The following MROH1 variants were observed in gnomAD, a reference collection of about 807,000 sequenced individuals.
MROH1 encodes maestro heat like repeat family member 1, also known as maestro heat-like repeat-containing protein family member 1.
In MROH1, 117 loss-of-function variants were observed where a neutral mutation model predicts 116.5. The ratio of observed to expected loss-of-function variants is 1.00; its 90% CI spans 0.86 to 1.17. The LOEUF (loss-of-function observed/expected upper bound fraction) is 1.17, where lower values mean the gene tolerates loss of function less well. Among genes scored for constraint, MROH1 ranks in the 50% most tolerant of loss-of-function variants. The pLI is 0.00. For missense variants in MROH1, 1,873 were observed against 1,338.5 expected, an observed-to-expected ratio of 1.40 and a Z score of -6.23; for synonymous variants, 921 against 583.9, an observed-to-expected ratio of 1.58 and a Z score of -8.32.
At chr8:144,192,246 G>T in intron 9 of MROH1, 63 bp from the exon 10 acceptor site, 1 of 1,405,892 alleles carries the variant, frequency 7.1e-7, no homozygotes, top group South Asian at 1.3e-5. Context: ...GGCTCTGATT[G>T]ACCTTAGTCA....
chr8:144,255,009 C>A (rs936908862), intron 34 of MROH1, 31 bp downstream of exon 34: 3 of 728,260 alleles, frequency 4.1e-6, no homozygotes, highest in Admixed American at 1.9e-5. Context: ...CACCTTGACA[C>A]GCTGTCCCTG....
chr8:144,259,707 T>C (rs1844622253), intron 37 of MROH1, among the ~76,000 whole-genome samples: 1 of 152,244 alleles, frequency 6.6e-6, no homozygotes, highest in Admixed American at 6.5e-5. Flanking sequence ...CCCAAGGCCG[T>C]GCAGCAGAGC....
At chr8:144,235,580 C>T (rs1399295737) in intron 14 of MROH1, among the ~76,000 whole-genome samples, 1 of 152,288 alleles carries the variant, frequency 6.6e-6, no homozygotes, top group East Asian at 1.9e-4. Context: ...GTGCTGTTTA[C>T]TGTGTCTAAG....
chr8:144,151,644 C>T (rs1260294695), intron 1 of MROH1, among the ~76,000 whole-genome samples: 1 of 152,244 alleles, frequency 6.6e-6, no homozygotes, highest in African/African-American at 2.4e-5. Context: ...GCCCTCTGTC[C>T]TTGCGACAAG....
At chr8:144,190,756 A>C (rs1411114372) in intron 7 of MROH1, 28 bp from the exon 8 acceptor site, 1 of 1,605,954 alleles carries the variant, frequency 6.2e-7, no homozygotes, top group Non-Finnish European at 8.5e-7. Flanking sequence ...CATGGCCTGC[A>C]GCCACTTACC....
At chr8:144,210,208 A>G (rs1463621330) in intron 12 of MROH1, among the ~76,000 whole-genome samples, 4 of 147,306 alleles carry the variant, frequency 2.7e-5, no homozygotes, top group African/African-American at 7.6e-5. Flanking sequence ...GGAGCCTGAG[A>G]GGGGCGGATC....
At chr8:144,158,075 C>G (rs1818615473) in intron 1 of MROH1, among the ~76,000 whole-genome samples, 1 of 146,246 alleles carries the variant, frequency 6.8e-6, no homozygotes, top group Admixed American at 7.0e-5. Flanking sequence ...TCACTGCAAA[C>G]TCCGCCCCCT....
At position 144,186,120 on chromosome 8, in the gene MROH1, AT is replaced by A. The variant is rs35879853; in HGVS notation, c.563-4647del. ...AATGAAGCAAAAAGGACAGTTTCCA[AT>A]TTTTTTTTTTTTTTTTGGAGACAGG... On this transcript the variant is annotated intron_variant, in intron 7 of 43. Coordinates refer to ENST00000326134, the MANE Select transcript of MROH1 (RefSeq NM_032450.3). 1.6e-3 allele frequency among the ~76,000 whole-genome samples: 224 copies of A among 137,152 alleles called. 1 individual carries two copies. Among genetic ancestry groups the A allele is most frequent in the African/African-American group, 4.6e-3 (169 of 36,924 alleles). The allele number at this position is 137,152 out of a possible 152,430, so 90.0% of individuals were successfully genotyped here.
rs1170663009 is a variant in MROH1, at chr8:144,167,353, G to A, written c.23-942G>A. 3.8e-4 allele frequency among the ~76,000 whole-genome samples: 54 copies of A among 143,818 alleles called. 1 individual carries two copies. Among genetic ancestry groups the A allele is most frequent in the Middle Eastern group, 6.6e-3 (2 of 302 alleles). 94.4% of individuals were successfully genotyped at this position (143,818 alleles called of 152,430 possible). On this transcript the variant is annotated intron_variant, in intron 3 of 43. Transcript: ENST00000326134. ...GTTGGGGTGGAGTGGCCGGTTGTGG[G>A]GTGGAGTGGCCAGATGTGGGGTGGA...
chr8:144,191,887 C>T (rs200432265), intron 9 of MROH1, 32 bp downstream of exon 9: 92 of 1,611,436 alleles, frequency 5.7e-5, no homozygotes, highest in Middle Eastern at 3.3e-4. Flanking sequence ...CTACTGTCCC[C>T]GAGGACCCCT....
chr8:144,165,448 T>G (rs1337653674), intron 3 of MROH1, among the ~76,000 whole-genome samples: 2 of 152,034 alleles, frequency 1.3e-5, no homozygotes, highest in Non-Finnish European at 2.9e-5. Context: ...AAAATTAGTT[T>G]TTGTAGAGAT....
intron 7 of MROH1, among the ~76,000 whole-genome samples, chr8:144,190,345 T>A (rs1435880658): frequency 6.6e-6 from 1 of 152,158 alleles, no homozygotes; most frequent in Non-Finnish European, 1.5e-5. Context: ...CTGGCCAACA[T>A]GGTGAAACCC....
chr8:144,260,366 T>C lies in MROH1; in HGVS notation c.4372T>C (p.Phe1458Leu). ...CGTGGCCATCCGCATCCGGCCTTTC[T>C]TCGACAGTGTAGGCTGGTTGGGGCA... The part of the protein sequence containing the change: ...LHVAIRIRPF[F>L]DSEKMEFRTA... Residue 1458 changes from phenylalanine (F) to leucine (L), a missense_variant, in exon 39 of 44, where the codon TTC (phenylalanine) becomes CTC (leucine). Transcript: ENST00000326134. 1 of 720,120 alleles carries C rather than the reference T, an allele frequency of 1.4e-6. No homozygotes were observed. The highest frequency in any genetic ancestry group is 2.5e-6 in the Non-Finnish European group (1 of 393,398). 44.6% of individuals were successfully genotyped at this position (720,120 alleles called of 1,614,324 possible).
intron 28 of MROH1, among the ~76,000 whole-genome samples, chr8:144,244,839 T>C (rs1183000021): frequency 6.6e-6 from 1 of 152,118 alleles, no homozygotes; most frequent in Non-Finnish European, 1.5e-5. Context: ...AGGGTGGTGC[T>C]AGGGTGGGGC....
In MROH1 at chr8:144,182,140, C is replaced by CGTATCA. The variant is rs142984462; in HGVS notation, c.562+1618_562+1623dup. 0.059 allele frequency among the ~76,000 whole-genome samples: 9,053 copies of CGTATCA among 152,228 alleles called. 906 individuals carry two copies. The highest frequency in any genetic ancestry group is 0.21 in the African/African-American group (8,561 of 41,490). On this transcript the variant is annotated intron_variant, in intron 7 of 43. Coordinates refer to ENST00000326134, the MANE Select transcript of MROH1 (RefSeq NM_032450.3). This position sits in a 1 kb window ranked among gnomAD's most constrained non-coding sequence, Gnocchi z 4.1. Reference sequence around the variant, plus strand: ...GGAGCAGCCTGGGGCCAGAGGAAGCCGTATCAACCGGGTGAGGCCTAGTGG... The same window carrying CGTATCA: ...GGAGCAGCCTGGGGCCAGAGGAAGCCGTATCAGTATCAACCGGGTGAGGCCTAGTGG...
At chr8:144,149,255 G>A (rs1318404996) in intron 1 of MROH1, among the ~76,000 whole-genome samples, 1 of 152,206 alleles carries the variant, frequency 6.6e-6, no homozygotes, top group Non-Finnish European at 1.5e-5. Context: ...AGGATCTTCA[G>A]TGCTCAGTCT....
chr8:144,260,798 TG>T lies in MROH1; in HGVS notation c.4503del (p.His1502ThrfsTer56), dbSNP rs1844897115. On this transcript the variant is annotated frameshift_variant, in exon 40 of 44. Transcript: ENST00000326134. LOFTEE classifies it high-confidence loss of function. ...QVVGGLAPLL[L>X]HLQDPQATVA... ...GTGGGCGGGCTGGCGCCCCTGCTGC[TG>T]CACCTGCAGGACCCTCAGGCCACCG... The T allele has an allele frequency of 1.3e-6, 1 of 778,154 alleles. No homozygotes were observed. Among genetic ancestry groups the T allele is most frequent in the Non-Finnish European group, 2.4e-6 (1 of 417,622 alleles). 48.2% of individuals were successfully genotyped at this position (778,154 alleles called of 1,614,324 possible). A position where few individuals can be genotyped will look rare whatever the true frequency, so the allele number is the denominator to read the frequency against.
chr8:144,256,748 T>A (rs920231716), intron 35 of MROH1, among the ~76,000 whole-genome samples: 70 of 152,354 alleles, frequency 4.6e-4, no homozygotes, highest in African/African-American at 1.5e-3. Flanking sequence ...CATTCTTAAA[T>A]GTCCTGGGCA....
intron 12 of MROH1, chr8:144,213,538 C>T (rs1834630575): frequency 6.4e-6 from 1 of 155,046 alleles, no homozygotes; most frequent in African/African-American, 2.4e-5. Flanking sequence ...TCTGTAATCC[C>T]AGTACTTTGG....
Sources: gnomAD v4.1 joint callset for allele counts (sites outside exome capture counted in the v4.1 genomes callset) on GRCh38, gnomAD v4.1.1 for gene constraint, Gnocchi (gnomAD v3.1) non-coding constraint, MANE v1.5 for transcripts, NCBI Gene and HGNC (gene_info 2026-07-23, HGNC 2026-07-21) for gene names.